The following SRPK2 variants were observed in gnomAD, a reference collection of about 807,000 sequenced individuals.
The protein encoded by SRPK2 is SRSF protein kinase 2, also known as SFRS protein kinase 2.
A neutral mutation model predicts 90.8 loss-of-function variants in SRPK2; 21 were observed. That is an observed-to-expected ratio of 0.23 (90% CI 0.16 to 0.33). The LOEUF (loss-of-function observed/expected upper bound fraction) is 0.33, where lower values mean the gene tolerates loss of function less well. Ranked by LOEUF, SRPK2 falls within the 10% of genes least tolerant of loss-of-function variation. The probability of loss-of-function intolerance (pLI) is 1.00; values close to 1 mark genes in which losing one functional copy is unlikely to be tolerated. For missense variants in SRPK2, 620 were observed against 869.0 expected (o/e 0.71, Z 3.60); for synonymous variants, 288 against 311.1 (o/e 0.93, Z 0.78).
chr7:105,360,484 A>G (rs1818302718), intron 2 of SRPK2, among the ~76,000 whole-genome samples: 1 of 152,136 alleles, frequency 6.6e-6, no homozygotes, highest in Non-Finnish European at 1.5e-5. Flanking sequence ...TGGTCTTTAC[A>G]ATTTTTTTTG....
intron 13 of SRPK2, 128 bp from the exon 14 acceptor site, chr7:105,127,190 G>A (rs1562958494): frequency 1.4e-6 from 1 of 723,540 alleles, no homozygotes; most frequent in East Asian, 2.6e-5. Context: ...TCCTGAAAGT[G>A]CTCAATACTA....
chr7:105,346,754 T>C (rs1816505928), intron 2 of SRPK2, among the ~76,000 whole-genome samples: 1 of 149,198 alleles, frequency 6.7e-6, no homozygotes. Context: ...CAAGACTCCA[T>C]CTCAAAAAAA....
chr7:105,216,912 A>G (rs541228234), intron 2 of SRPK2, among the ~76,000 whole-genome samples: 5 of 152,320 alleles, frequency 3.3e-5, no homozygotes, highest in Middle Eastern at 3.4e-3. Context: ...TGTAAATATT[A>G]AAAGAGATGA....
intron 2 of SRPK2, among the ~76,000 whole-genome samples, chr7:105,264,421 C>T (rs3801279): frequency 0.43 from 65,920 of 152,058 alleles, 15,650 homozygotes; most frequent in South Asian, 0.53. Flanking sequence ...AGGGACAACA[C>T]ACAATCTCTA....
intron 2 of SRPK2, among the ~76,000 whole-genome samples, chr7:105,282,621 T>G (rs1296465453): frequency 6.6e-6 from 1 of 152,106 alleles, no homozygotes; most frequent in African/African-American, 2.4e-5. Flanking sequence ...AAACCCTGTC[T>G]CTATTAAAAA....
chr7:105,138,794 G>C (rs1803266396), intron 11 of SRPK2, among the ~76,000 whole-genome samples: 1 of 152,154 alleles, frequency 6.6e-6, no homozygotes, highest in Non-Finnish European at 1.5e-5. Flanking sequence ...GCAAGATCCT[G>C]TCTCAAAATA....
intron 2 of SRPK2, among the ~76,000 whole-genome samples, chr7:105,340,347 CAT>C (rs1203070441): frequency 6.7e-6 from 1 of 149,204 alleles, no homozygotes; most frequent in African/African-American, 2.5e-5. Flanking sequence ...GAACAAAAGA[CAT>C]ATAAATTATG....
chr7:105,137,566 G>A (rs1803044419), intron 11 of SRPK2, among the ~76,000 whole-genome samples: 2 of 152,142 alleles, frequency 1.3e-5, no homozygotes, highest in African/African-American at 4.8e-5. Context: ...ATAGCCCACA[G>A]GTAAGACCAA....
chr7:105,389,904 T>C (rs1389519939), upstream of SRPK2, among the ~76,000 whole-genome samples: 1 of 152,190 alleles, frequency 6.6e-6, no homozygotes, highest in East Asian at 1.9e-4. Context: ...TGGCTTACAC[T>C]AAGGATGATA....
chr7:105,344,407 C>T (rs10240874), intron 2 of SRPK2, among the ~76,000 whole-genome samples: 1,382 of 58,480 alleles, frequency 0.024, 75 homozygotes, highest in East Asian at 0.14. Flanking sequence ...GCAGCCACAC[C>T]TTTTTTTTTT....
intron 2 of SRPK2, among the ~76,000 whole-genome samples, chr7:105,314,358 A>C (rs1048445578): frequency 1.3e-5 from 2 of 151,968 alleles, no homozygotes; most frequent in African/African-American, 4.8e-5. Flanking sequence ...AATCCTTCCC[A>C]AAGATTACCT....
chr7:105,170,791 G>A (rs1401577932), intron 3 of SRPK2, among the ~76,000 whole-genome samples: 88 of 102,392 alleles, frequency 8.6e-4, no homozygotes, highest in Non-Finnish European at 1.2e-3. Context: ...ACGGGAGGGA[G>A]GGAGGGAGGG....
chr7:105,271,100 T>C (rs1031469784), intron 2 of SRPK2, among the ~76,000 whole-genome samples: 2 of 152,214 alleles, frequency 1.3e-5, no homozygotes, highest in Admixed American at 6.5e-5. Context: ...TTGTGCTCCA[T>C]GTATCAACTT....
In SRPK2 at chr7:105,388,322, C is replaced by A. The variant is rs1250301018; in HGVS notation, c.71+326G>T. On this transcript the variant is annotated intron_variant, in intron 2 of 15. Coordinates refer to ENST00000393651, the MANE Select transcript of SRPK2 (RefSeq NM_182692.3). ...TCCGGAAAGGGCCGCGACCCCCGGG[C>A]CAGCTCGCGGGCAAGGGACGGGTGC... 2.6e-5 allele frequency among the ~76,000 whole-genome samples: 4 copies of A among 151,492 alleles called. No individual in the cohort carries two copies. In the South Asian group the frequency reaches 6.2e-4, roughly 24 times the overall value.
chr7:105,393,155 G>A (rs186683953), upstream of SRPK2, among the ~76,000 whole-genome samples: 27 of 151,826 alleles, frequency 1.8e-4, no homozygotes, highest in African/African-American at 5.6e-4. Flanking sequence ...CACCACTCCC[G>A]GCTAATTTTT....
chr7:105,282,557 C>G lies in SRPK2; in HGVS notation c.72-78772G>C, dbSNP rs1001605177. 1.1e-3 allele frequency among the ~76,000 whole-genome samples: 162 copies of G among 152,254 alleles called. 1 individual carries two copies. Among genetic ancestry groups the G allele is most frequent in the African/African-American group, 3.7e-3 (153 of 41,540 alleles). On this transcript the variant is annotated intron_variant, in intron 2 of 15. Coordinates refer to ENST00000393651, the MANE Select transcript of SRPK2 (RefSeq NM_182692.3). Reference sequence around the variant, plus strand: ...GAGGCTCATACCTGTAATCTCTGTGCATTGGGAGGCCAAGGTGGGCGGATC... The same window carrying G: ...GAGGCTCATACCTGTAATCTCTGTGGATTGGGAGGCCAAGGTGGGCGGATC...
intron 2 of SRPK2, among the ~76,000 whole-genome samples, chr7:105,289,540 A>T (rs1268609082): frequency 2.6e-5 from 4 of 152,346 alleles, no homozygotes; most frequent in African/African-American, 9.6e-5. Context: ...TCTTGAGCCC[A>T]GGAATTCAAA....
At chr7:105,193,506 G>A (rs1362500931) in intron 3 of SRPK2, among the ~76,000 whole-genome samples, 2 of 152,146 alleles carry the variant, frequency 1.3e-5, no homozygotes, top group Non-Finnish European at 2.9e-5. Context: ...GTCTTGCTTT[G>A]ACTATGCAGA....
intron 2 of SRPK2, among the ~76,000 whole-genome samples, chr7:105,335,563 G>A (rs886700535): frequency 7.9e-5 from 12 of 151,650 alleles, no homozygotes; most frequent in African/African-American, 2.9e-4. Flanking sequence ...ATGCTGAGGT[G>A]GGAGGCTCGA....
Sources: gnomAD v4.1 joint callset for allele counts (sites outside exome capture counted in the v4.1 genomes callset) on GRCh38, gnomAD v4.1.1 for gene constraint, MANE v1.5 for transcripts, NCBI Gene and HGNC (gene_info 2026-07-23, HGNC 2026-07-21) for gene names.